Variants in TLE4 observed in about 807,000 individuals in gnomAD.
TLE4 encodes the protein transducin-like enhancer protein 4.
A neutral mutation model predicts 92.8 loss-of-function variants in TLE4; 8 were observed. The ratio of observed to expected loss-of-function variants is 0.09; its 90% confidence interval spans 0.05 to 0.16. The LOEUF is 0.16. TLE4 is among the 10% of genes least tolerant of loss of function. The pLI is 1.00. For missense variants in TLE4, 675 were observed against 997.6 expected, an observed-to-expected ratio of 0.68 and a Z score of 4.36; for synonymous variants, 371 against 374.1, an observed-to-expected ratio of 0.99 and a Z score of 0.10.
chr9:79,627,010 A>G (rs1388198496), intron 5 of TLE4, among the ~76,000 whole-genome samples: 1 of 152,188 alleles, frequency 6.6e-6, no homozygotes, highest in Non-Finnish European at 1.5e-5. Flanking sequence ...GCAAAGAGAA[A>G]AGGTAGTGAG....
intron 4 of TLE4, among the ~76,000 whole-genome samples, chr9:79,606,187 G>GTTGTTTTTTTTTTTTTTT (rs2046834923): frequency 3.5e-5 from 1 of 28,674 alleles, no homozygotes; most frequent in Non-Finnish European, 6.4e-5. Context: ...AGTAGTAGTT[G>GTTGTTTTTTTTTTTTTTT]TTTTTTTTTT....
intron 4 of TLE4, among the ~76,000 whole-genome samples, chr9:79,598,990 G>A (rs1358367404): frequency 6.6e-6 from 1 of 152,076 alleles, no homozygotes; most frequent in Non-Finnish European, 1.5e-5. Flanking sequence ...AATTCATTTT[G>A]TTCCTATTCT....
intron 4 of TLE4, among the ~76,000 whole-genome samples, chr9:79,590,826 A>C (rs1446783648): frequency 6.6e-6 from 1 of 152,174 alleles, no homozygotes; most frequent in Non-Finnish European, 1.5e-5. Flanking sequence ...TTAACTTTCT[A>C]AACTGAAATA....
intron 4 of TLE4, among the ~76,000 whole-genome samples, chr9:79,611,936 T>TA (rs34106000): frequency 0.048 from 3,726 of 78,236 alleles, 84 homozygotes; most frequent in Middle Eastern, 0.078. Context: ...ATATCCACAG[T>TA]AAAAAAAAAA....
In TLE4 at chr9:79,631,616, A is replaced by ATGTGTGTGTGTGTGTGTGTGTG. The variant is rs57129541; in HGVS notation, c.390+4194_390+4215dup. On this transcript the variant is annotated intron_variant, in intron 6 of 19. Transcript: ENST00000376552. ...TCCTTGTCATATGATTGAACCTTAA[A>ATGTGTGTGTGTGTGTGTGTGTG]TGTGTGTGTGTGTGTGTGTGTGTGT... 1.7e-4 allele frequency among the ~76,000 whole-genome samples: 20 copies of ATGTGTGTGTGTGTGTGTGTGTG among 118,232 alleles called. 2 individuals carry two copies. The highest frequency in any genetic ancestry group is 3.3e-4 in the Non-Finnish European group (19 of 57,224). The allele number at this position is 118,232 out of a possible 152,430, so 77.6% of individuals were successfully genotyped here.
chr9:79,589,732 C>T (rs541788906), intron 4 of TLE4, among the ~76,000 whole-genome samples: 189 of 152,264 alleles, frequency 1.2e-3, no homozygotes, highest in African/African-American at 4.3e-3. Flanking sequence ...AACCATTCTC[C>T]TGAGACACCA....
At chr9:79,643,553 T>C (rs1025570083) in intron 6 of TLE4, among the ~76,000 whole-genome samples, 4 of 152,226 alleles carry the variant, frequency 2.6e-5, no homozygotes, top group Admixed American at 6.5e-5. Flanking sequence ...TTTTAAGATA[T>C]TGGCATTTTG....
intron 4 of TLE4, among the ~76,000 whole-genome samples, chr9:79,607,067 C>G (rs888575534): frequency 6.6e-6 from 1 of 152,184 alleles, no homozygotes; most frequent in Non-Finnish European, 1.5e-5. Context: ...GATCCCCACT[C>G]TAACTGGTGT....
chr9:79,576,340 T>G (rs2037747634), intron 4 of TLE4, 163 bp downstream of exon 4: 1 of 408,938 alleles, frequency 2.4e-6, no homozygotes, highest in Non-Finnish European at 4.4e-6. Flanking sequence ...TGGCTCCCCA[T>G]CTTTCTTTCA....
intron 5 of TLE4, among the ~76,000 whole-genome samples, chr9:79,617,563 G>A (rs2049944573): frequency 6.6e-6 from 1 of 152,142 alleles, no homozygotes; most frequent in African/African-American, 2.4e-5. Context: ...GTAACAAGGA[G>A]CACATTCATT....
intron 4 of TLE4, among the ~76,000 whole-genome samples, chr9:79,608,764 C>A (rs1039755506): frequency 6.6e-6 from 1 of 151,964 alleles, no homozygotes; most frequent in East Asian, 1.9e-4. Flanking sequence ...AGAGACAAAC[C>A]CATCAAACAG....
At chr9:79,703,264 G>T (rs1014669826) in intron 8 of TLE4, among the ~76,000 whole-genome samples, 2 of 152,066 alleles carry the variant, frequency 1.3e-5, no homozygotes, top group Non-Finnish European at 2.9e-5. Context: ...GTTACCCTGG[G>T]TTAGGGTCAT....
Position 79,720,377 on chromosome 9 carries a change from G to GGGGTGT in TLE4, c.1838+85_1838+86insGGTGTG, listed in dbSNP as rs1263740198. On this transcript the variant is annotated intron_variant, in intron 16 of 19. Transcript: ENST00000376552. The stretch of plus-strand genomic sequence containing the variant: ...CCAAAGTGCTGTGTATATAGGTATG[G>GGGGTGT]GTGTGTGTGTGTGTGTGTGTGTGTG... 828 of 316,532 alleles carry GGGGTGT rather than the reference G, an allele frequency of 2.6e-3. 32 individuals carry two copies. The highest frequency in any genetic ancestry group is 0.021 in the African/African-American group (597 of 28,576). 19.6% of individuals were successfully genotyped at this position (316,532 alleles called of 1,614,324 possible).
chr9:79,718,579 C>A, intron 14 of TLE4, 143 bp from the exon 15 acceptor site: 7 of 1,270,422 alleles, frequency 5.5e-6, no homozygotes, highest in South Asian at 1.6e-5. Flanking sequence ...AAATTATGTT[C>A]TTTACACTGT....
intron 5 of TLE4, among the ~76,000 whole-genome samples, chr9:79,625,808 T>G (rs1340925009): frequency 6.6e-6 from 1 of 151,652 alleles, no homozygotes; most frequent in Non-Finnish European, 1.5e-5. Context: ...AGAAATTTTT[T>G]TCTTCCATGT....
At position 79,724,849 on chromosome 9, in the gene TLE4, T is replaced by TAAAAAAAAAAAAAAAAA. The variant is rs947971071; in HGVS notation, c.2215-172_2215-156dup. Among the ~76,000 whole-genome samples, 7 of 25,990 alleles carry TAAAAAAAAAAAAAAAAA rather than the reference T, an allele frequency of 2.7e-4. 3 individuals carry two copies. Among genetic ancestry groups the TAAAAAAAAAAAAAAAAA allele is most frequent in the African/African-American group, 1.1e-3 (7 of 6,176 alleles). 17.1% of individuals were successfully genotyped at this position (25,990 alleles called of 152,430 possible). The stretch of plus-strand genomic sequence containing the variant: ...GTGACTGAGGGAGACCCTGTCTTAT[T>TAAAAAAAAAAAAAAAAA]AAAAAAAAAAAAAAAAAAAAAAAAA... On this transcript the variant is annotated intron_variant, in intron 19 of 19. Transcript: ENST00000376552.
intron 6 of TLE4, among the ~76,000 whole-genome samples, chr9:79,633,903 C>T (rs1007140037): frequency 1.3e-5 from 2 of 152,140 alleles, no homozygotes; most frequent in African/African-American, 2.4e-5. Flanking sequence ...GGGTTATTGA[C>T]AGTGGTTAAC....
intron 4 of TLE4, among the ~76,000 whole-genome samples, chr9:79,595,910 G>A (rs558056936): frequency 1.3e-5 from 2 of 148,788 alleles, no homozygotes; most frequent in African/African-American, 2.5e-5. Context: ...GCAGTGGCAC[G>A]ATCTCAGCTC....
intron 8 of TLE4, among the ~76,000 whole-genome samples, chr9:79,672,353 G>A (rs1414340752): frequency 6.6e-6 from 1 of 152,142 alleles, no homozygotes; most frequent in African/African-American, 2.4e-5. Context: ...CCCACTGTGG[G>A]CGGGCAGTGA....
Sources: gnomAD v4.1 joint callset for allele counts (sites outside exome capture counted in the v4.1 genomes callset) on GRCh38, gnomAD v4.1.1 for gene constraint, MANE v1.5 for transcripts, NCBI Gene and HGNC (gene_info 2026-07-23, HGNC 2026-07-21) for gene names.